The following DOCK9 variants were observed in gnomAD, a reference collection of about 807,000 sequenced individuals.
DOCK9 encodes the protein dedicator of cytokinesis 9.
A neutral mutation model predicts 263.3 loss-of-function variants in DOCK9; 89 were observed. The observed-to-expected ratio is 0.34, with a 90% CI of 0.28 to 0.40. The LOEUF (loss-of-function observed/expected upper bound fraction) is 0.40, where lower values mean the gene tolerates loss of function less well. DOCK9 is among the 10% of genes least tolerant of loss of function. The probability of loss-of-function intolerance (pLI) is 1.00; values close to 1 mark genes in which losing one functional copy is unlikely to be tolerated. For synonymous variants in DOCK9, 976 were observed against 973.1 expected, an observed-to-expected ratio of 1.00 and a Z score of -0.06; for missense variants, 2,140 against 2,603.4, an observed-to-expected ratio of 0.82 and a Z score of 3.87.
At chr13:98,849,973 A>T in intron 36 of DOCK9, 74 bp downstream of exon 36, 1 of 1,083,344 alleles carries the variant, frequency 9.2e-7, no homozygotes, top group Non-Finnish European at 1.4e-6. Flanking sequence ...TGGTTCAACT[A>T]CATAGTATTC....
chr13:99,078,991 C>T (rs780393684), intron 1 of DOCK9, among the ~76,000 whole-genome samples: 1 of 152,122 alleles, frequency 6.6e-6, no homozygotes, highest in Non-Finnish European at 1.5e-5. Context: ...TAGGTCAGGC[C>T]GATAGCCAGT....
At chr13:99,086,509 C>T in exon 1 of DOCK9, 1 of 326,812 alleles carries the variant, frequency 3.1e-6, no homozygotes, top group South Asian at 1.1e-4. Context: ...CCGGCCGCCG[C>T]AGCCCAGGCC....
In DOCK9 at chr13:98,930,352, A is replaced by C. The variant is rs975408949; in HGVS notation, c.244-95T>G. On this transcript the variant is annotated intron_variant, in intron 2 of 52. Transcript: ENST00000682017. ...TGTGTGCCCTGCAGCTGGCCCTGGC[A>C]GCCACAGAGTCCCTCCAGTTTCTCC... 6 of 1,024,714 alleles carry C rather than the reference A, an allele frequency of 5.9e-6. No individual in the cohort carries two copies. In the African/African-American group the frequency reaches 9.6e-5, roughly 16 times the overall value. The allele number at this position is 1,024,714 out of a possible 1,614,324, so 63.5% of individuals were successfully genotyped here.
chr13:98,822,003 A>T (rs988590494), intron 45 of DOCK9, among the ~76,000 whole-genome samples: 1 of 152,108 alleles, frequency 6.6e-6, no homozygotes, highest in East Asian at 1.9e-4. Flanking sequence ...CAATGCAAAA[A>T]CGTGCCTGGT....
chr13:98,985,075 G>T lies in DOCK9; in HGVS notation c.130-29524C>A, dbSNP rs375158499. The stretch of plus-strand genomic sequence containing the variant: ...CAGTGAAGAAGACTATGGGGGCAGG[G>T]GGGTGGGCAGTTGGGGGGGTGGGGC... On this transcript the variant is annotated intron_variant, in intron 1 of 32. Transcript: ENST00000427887. 1.7e-3 allele frequency among the ~76,000 whole-genome samples: 260 copies of T among 149,434 alleles called. 8 individuals are homozygous for T. In the South Asian group the frequency reaches 0.045, roughly 26 times the overall value.
Position 98,794,558 on chromosome 13 carries a change from G to A in DOCK9, c.*68C>T. 1 of 1,523,364 alleles carries A rather than the reference G, an allele frequency of 6.6e-7. No homozygotes were observed. The highest frequency in any genetic ancestry group is 8.9e-7 in the Non-Finnish European group (1 of 1,128,104). 94.4% of individuals were successfully genotyped at this position (1,523,364 alleles called of 1,614,324 possible). Reference sequence around the variant, plus strand: ...CCTGTGCTCGGTCTCCCCAGTGATTGGCTTTGGAAAGCATCCTGAGTTTGC... The same window carrying A: ...CCTGTGCTCGGTCTCCCCAGTGATTAGCTTTGGAAAGCATCCTGAGTTTGC... On this transcript the variant is annotated 3_prime_UTR_variant, in exon 53 of 53. Coordinates refer to ENST00000682017, the MANE Select transcript of DOCK9 (RefSeq NM_001366683.2).
chr13:98,823,218 T>C (rs2092373212), intron 45 of DOCK9, among the ~76,000 whole-genome samples: 1 of 152,102 alleles, frequency 6.6e-6, no homozygotes, highest in African/African-American at 2.4e-5. Flanking sequence ...CAAATGTGCA[T>C]CCATTCTGCA....
intron 1 of DOCK9, among the ~76,000 whole-genome samples, chr13:99,085,982 G>C (rs1025823605): frequency 3.7e-4 from 56 of 152,160 alleles, no homozygotes; most frequent in Admixed American, 3.7e-3. Flanking sequence ...CAGGAGGAAG[G>C]GGACAGCGAT....
upstream of DOCK9, among the ~76,000 whole-genome samples, chr13:98,981,675 G>A (rs145845234): frequency 7.2e-5 from 11 of 152,256 alleles, no homozygotes; most frequent in African/African-American, 2.6e-4. Flanking sequence ...CAGTGCTGGC[G>A]CTCTCCCCTG....
intron 44 of DOCK9, chr13:98,826,020 T>G: frequency 8.1e-7 from 1 of 1,230,558 alleles, no homozygotes; most frequent in Non-Finnish European, 1.1e-6. Flanking sequence ...TGGAGCCCTT[T>G]CAAAATTTTT....
intron 9 of DOCK9, among the ~76,000 whole-genome samples, chr13:98,906,767 T>C (rs764861937): frequency 2.6e-5 from 4 of 152,180 alleles, no homozygotes; most frequent in Non-Finnish European, 5.9e-5. Context: ...ACTACCATGA[T>C]CAGCTGTCTA....
intron 35 of DOCK9, among the ~76,000 whole-genome samples, chr13:98,851,608 CAAG>C (rs973185675): frequency 6.6e-6 from 1 of 152,148 alleles, no homozygotes; most frequent in African/African-American, 2.4e-5. Context: ...GGAAATGGCA[CAAG>C]AAGGACAGCA....
rs146201129 is a variant in DOCK9, at chr13:99,065,085, T to G, written c.129+21138A>C. On this transcript the variant is annotated intron_variant, in intron 1 of 32. Transcript: ENST00000427887. The stretch of plus-strand genomic sequence containing the variant: ...AGCACAGTCACGCACGGCTGAAACC[T>G]AAGGCTATAGTTAATGCCTCTTGCT... Among the ~76,000 whole-genome samples the G allele has an allele frequency of 3.7e-3, 565 of 152,294 alleles. 4 individuals are homozygous for G. Among genetic ancestry groups the G allele is most frequent in the African/African-American group, 0.013 (532 of 41,558 alleles).
chr13:98,850,900 G>C (rs2093550832), intron 35 of DOCK9, among the ~76,000 whole-genome samples: 1 of 152,154 alleles, frequency 6.6e-6, no homozygotes, highest in African/African-American at 2.4e-5. Context: ...TTACACTGAG[G>C]TTGAGAAATA....
chr13:98,840,195 G>A (rs555138276), intron 38 of DOCK9, among the ~76,000 whole-genome samples: 1 of 152,332 alleles, frequency 6.6e-6, no homozygotes, highest in South Asian at 2.1e-4. Flanking sequence ...AATCCAAGAA[G>A]AGGCAGAGAA....
chr13:98,941,871 A>T (rs368246797), intron 2 of DOCK9, among the ~76,000 whole-genome samples: 5 of 152,262 alleles, frequency 3.3e-5, no homozygotes, highest in African/African-American at 1.2e-4. Context: ...ATGGAAGGGC[A>T]GTAGCAAGGG....
intron 5 of DOCK9, among the ~76,000 whole-genome samples, chr13:98,922,638 G>T (rs888020368): frequency 6.6e-6 from 1 of 152,182 alleles, no homozygotes. Flanking sequence ...GTGATGGGGG[G>T]AATAAAAATA....
chr13:98,867,656 G>A, intron 29 of DOCK9, 120 bp from the exon 30 acceptor site: 2 of 722,194 alleles, frequency 2.8e-6, no homozygotes, highest in Non-Finnish European at 2.3e-6. Context: ...TCTTAGAACT[G>A]CACACTCTAT....
intron 1 of DOCK9, among the ~76,000 whole-genome samples, chr13:99,033,952 A>G (rs1001304715): frequency 1.3e-5 from 2 of 152,226 alleles, no homozygotes; most frequent in Non-Finnish European, 2.9e-5. Context: ...TGGCTCTGAT[A>G]TGAACACCAT....
Sources: gnomAD v4.1 joint callset for allele counts (sites outside exome capture counted in the v4.1 genomes callset) on GRCh38, gnomAD v4.1.1 for gene constraint, MANE v1.5 for transcripts, NCBI Gene and HGNC (gene_info 2026-07-23, HGNC 2026-07-21) for gene names.